Variants in ZP3 observed in about 807,000 individuals in gnomAD.
The protein encoded by ZP3 is zona pellucida glycoprotein 3.
In ZP3, 21 loss-of-function variants were observed where a neutral mutation model predicts 35.6. The ratio of observed to expected loss-of-function variants is 0.59; its 90% CI spans 0.42 to 0.85. ZP3 has a LOEUF of 0.85. Ranked by LOEUF, ZP3 falls within the 40% of genes least tolerant of loss-of-function variation. The pLI is 0.00. For synonymous variants in ZP3, 207 were observed against 214.5 expected, an observed-to-expected ratio of 0.96 and a Z score of 0.31; for missense variants, 437 against 536.5, an observed-to-expected ratio of 0.81 and a Z score of 1.83.
chr7:76,440,215 G>A, intron 5 of ZP3, 35 bp from the exon 6 acceptor site: 1 of 1,591,350 alleles, frequency 6.3e-7, no homozygotes, highest in Non-Finnish European at 8.6e-7. Context: ...GCACAGCCTG[G>A]AACTCGGCCT....
At chr7:76,418,024 G>A (rs756660428) in intron 1 of ZP3, among the ~76,000 whole-genome samples, 7 of 147,136 alleles carry the variant, frequency 4.8e-5, no homozygotes, top group East Asian at 4.0e-4. Context: ...TGCAATCTCC[G>A]CCTCCCGGGT....
intron 1 of ZP3, among the ~76,000 whole-genome samples, chr7:76,399,219 G>A (rs1019770168): frequency 2.1e-4 from 32 of 152,078 alleles, no homozygotes; most frequent in Non-Finnish European, 4.1e-4. Flanking sequence ...CACCATGTTG[G>A]TCAGGCTGGT....
intron 1 of ZP3, among the ~76,000 whole-genome samples, chr7:76,425,999 C>T (rs1296414534): frequency 4.0e-5 from 6 of 151,348 alleles, no homozygotes; most frequent in Non-Finnish European, 8.8e-5. Flanking sequence ...AGGAGAATCG[C>T]TTGAACCCAG....
chr7:76,423,025 G>GAGAGAGAGAGAGAGAAAGAA (rs1278384225), upstream of ZP3, among the ~76,000 whole-genome samples: 18 of 75,852 alleles, frequency 2.4e-4, no homozygotes, highest in Non-Finnish European at 4.1e-4. Context: ...GAGAGAGAGA[G>GAGAGAGAGAGAGAGAAAGAA]AGAAAGAAAG....
intron 1 of ZP3, among the ~76,000 whole-genome samples, chr7:76,412,411 G>C (rs1195861455): frequency 6.6e-6 from 1 of 151,966 alleles, no homozygotes; most frequent in Non-Finnish European, 1.5e-5. Flanking sequence ...GGCAAGAGTG[G>C]GTGTGATTAC....
intron 1 of ZP3, chr7:76,400,967 C>T (rs377248126): frequency 3.7e-5 from 57 of 1,550,670 alleles, no homozygotes; most frequent in South Asian, 2.4e-4. Flanking sequence ...GAGTACCTGG[C>T]GGACAGGTGA....
chr7:76,441,742 A>G (rs1806206689), intron 7 of ZP3, 100 bp from the exon 8 acceptor site: 1 of 1,063,278 alleles, frequency 9.4e-7, no homozygotes, highest in South Asian at 1.3e-5. Flanking sequence ...CACAAAAAAG[A>G]CAACATATTA....
At position 76,429,598 on chromosome 7, in the gene ZP3, C is replaced by A; in HGVS notation, c.396C>A (p.Asn132Lys). The change falls in exon 2 of 8, where the codon AAC becomes AAA. Residue 132 changes from asparagine to lysine, a missense_variant. Transcript: ENST00000394857. The part of the protein sequence containing the change: ...PVGNLSIVRT[N>K]RAEIPIECRY... The stretch of plus-strand genomic sequence containing the variant: ...GAAACCTGTCCATCGTGAGGACTAA[C>A]CGCGCAGAGATTCCCATCGAGTGCC... 6.2e-7 allele frequency: 1 copy of A among 1,614,112 alleles called. No homozygotes were observed.
chr7:76,431,894 G>A (rs1158090383), intron 2 of ZP3, among the ~76,000 whole-genome samples: 12 of 46,600 alleles, frequency 2.6e-4, no homozygotes, highest in East Asian at 1.9e-3. Flanking sequence ...GTGAGACTCC[G>A]TCTCAAAAAA....
chr7:76,436,363 T>C (rs1806013581), intron 5 of ZP3, among the ~76,000 whole-genome samples: 1 of 152,036 alleles, frequency 6.6e-6, no homozygotes, highest in Admixed American at 6.6e-5. Context: ...CATTTTACTG[T>C]TATCCTCCAT....
At chr7:76,432,105 C>A (rs1805846592) in intron 2 of ZP3, among the ~76,000 whole-genome samples, 1 of 152,038 alleles carries the variant, frequency 6.6e-6, no homozygotes, top group Non-Finnish European at 1.5e-5. Flanking sequence ...TCACTGCAGC[C>A]TTGACCTCCT....
intron 2 of ZP3, among the ~76,000 whole-genome samples, chr7:76,431,724 C>A (rs1217585187): frequency 6.6e-6 from 1 of 152,046 alleles, no homozygotes; most frequent in African/African-American, 2.4e-5. Flanking sequence ...GTGGTGAAAC[C>A]CCGTCTCTAC....
In ZP3 at chr7:76,429,696, G is replaced by C. The variant is rs530004895; in HGVS notation, c.431+63G>C. The C allele has an allele frequency of 7.5e-4, 1,072 of 1,424,796 alleles. 2 individuals carry two copies. Among genetic ancestry groups the C allele is most frequent in the Middle Eastern group, 1.1e-3 (6 of 5,610 alleles). 88.3% of individuals were successfully genotyped at this position (1,424,796 alleles called of 1,614,324 possible). A position where few individuals can be genotyped will look rare whatever the true frequency, so the allele number is the denominator to read the frequency against. ...GCCCCTTGGGTGTGGCTGCAGGCAAGTGGGCTGGCTATGGGCTACAGCTTG... is the reference window on the plus strand; with the variant it reads ...GCCCCTTGGGTGTGGCTGCAGGCAACTGGGCTGGCTATGGGCTACAGCTTG... On this transcript the variant is annotated intron_variant, in intron 2 of 7. Coordinates refer to ENST00000394857, the MANE Select transcript of ZP3 (RefSeq NM_001110354.2).
chr7:76,406,002 C>G (rs1451396363), intron 1 of ZP3, among the ~76,000 whole-genome samples: 2 of 132,654 alleles, frequency 1.5e-5, no homozygotes, highest in African/African-American at 5.9e-5. Flanking sequence ...TCTTTTCTTT[C>G]TTTGATGGAG....
intron 1 of ZP3, among the ~76,000 whole-genome samples, chr7:76,406,797 A>G (rs1236869883): frequency 6.6e-6 from 1 of 151,442 alleles, no homozygotes; most frequent in Non-Finnish European, 1.5e-5. Flanking sequence ...AAAAAAAAAA[A>G]TCTTCAAGGC....
At chr7:76,429,094 G>A (rs1278748570) in intron 1 of ZP3, 10 of 217,182 alleles carry the variant, frequency 4.6e-5, no homozygotes, top group African/African-American at 1.8e-4. Context: ...GCATGGAGGG[G>A]GAGTGTCAGA....
At chr7:76,403,569 C>G (rs537698000) in intron 1 of ZP3, among the ~76,000 whole-genome samples, 11 of 152,090 alleles carry the variant, frequency 7.2e-5, no homozygotes, top group African/African-American at 2.7e-4. Context: ...AACTCCTGAC[C>G]TCATGATCCG....
chr7:76,431,055 C>G (rs1187745188), intron 2 of ZP3, among the ~76,000 whole-genome samples: 1 of 152,196 alleles, frequency 6.6e-6, no homozygotes, highest in African/African-American at 2.4e-5. Context: ...AATCTCCACC[C>G]AGGGTCACCT....
upstream of ZP3, among the ~76,000 whole-genome samples, chr7:76,423,025 G>GAGAGAGAGAGAGAAAGAAAGAA (rs1278384225): frequency 3.7e-4 from 28 of 75,844 alleles, no homozygotes; most frequent in Non-Finnish European, 6.2e-4. Flanking sequence ...GAGAGAGAGA[G>GAGAGAGAGAGAGAAAGAAAGAA]AGAAAGAAAG....
Sources: allele counts gnomAD v4.1 joint callset (sites outside exome capture counted in the v4.1 genomes callset), GRCh38; gene constraint gnomAD v4.1.1; transcripts MANE v1.5; gene names NCBI Gene and HGNC (gene_info 2026-07-23, HGNC 2026-07-21).